Variants in KCNT1 observed in about 807,000 individuals in gnomAD.
KCNT1 encodes the protein potassium channel subfamily T member 1.
Under a neutral mutation model 147.8 loss-of-function variants are expected in KCNT1, and 78 were observed. The ratio of observed to expected loss-of-function variants is 0.53; its 90% CI spans 0.44 to 0.64. The LOEUF is 0.64. Among genes scored for constraint, KCNT1 ranks in the 30% least tolerant of loss-of-function variants. The pLI is 0.00. For missense variants in KCNT1, 1,419 were observed against 1,750.3 expected (o/e 0.81, Z 3.38); for synonymous variants, 867 against 748.8 (o/e 1.16, Z -2.58).
In KCNT1 at chr9:135,779,449, G is replaced by A; in HGVS notation, c.2820G>A (p.Leu940=). ...TCCGCGCCAAGGACAGCTACTCTCT[G>A]GCTCTTTCCAAACTAGAAAAGGTGA... is the stretch of plus-strand genomic sequence containing the variant. The part of the protein sequence containing the change: ...MQFRAKDSYS[L]ALSKLEKRER... Residue 940 remains leucine (L), a synonymous_variant, in exon 24 of 31, where the codon CTG becomes CTA. Transcript: ENST00000371757. 6.2e-7 allele frequency: 1 copy of A among 1,613,286 alleles called. No individual in the cohort carries two copies.
chr9:135,773,506 G>C (rs1832903162), intron 19 of KCNT1, among the ~76,000 whole-genome samples: 2 of 152,256 alleles, frequency 1.3e-5, no homozygotes, highest in African/African-American at 4.8e-5. Context: ...CAGTGTCCCA[G>C]CCTGGAAACC....
Position 135,714,801 on chromosome 9 carries a change from G to A in KCNT1, c.254+81G>A, listed in dbSNP as rs1321831901. Reference sequence around the variant, plus strand: ...CCCGGAGCTGTCCGCGGTGCTGACGGCCGGTCCCGCGCGCCCCCGCAGCCG... The same window carrying A: ...CCCGGAGCTGTCCGCGGTGCTGACGACCGGTCCCGCGCGCCCCCGCAGCCG... On this transcript the variant is annotated intron_variant, in intron 2 of 30. Coordinates refer to ENST00000371757, the MANE Select transcript of KCNT1 (RefSeq NM_020822.3). The surrounding 1 kb of genome is among the most constrained non-coding windows in gnomAD (Gnocchi z 6.2). 3 of 1,017,960 alleles carry A rather than the reference G, an allele frequency of 2.9e-6. No homozygotes were observed. Among genetic ancestry groups the A allele is most frequent in the Non-Finnish European group, 3.6e-6 (3 of 822,326 alleles). 63.1% of individuals were successfully genotyped at this position (1,017,960 alleles called of 1,614,324 possible).
In KCNT1 at chr9:135,742,256, G is replaced by A. The variant is rs552133295; in HGVS notation, c.255-7842G>A. Among the ~76,000 whole-genome samples the A allele has an allele frequency of 1.1e-4, 16 of 152,354 alleles. No individual in the cohort carries two copies. The South Asian group carries it at 3.1e-3, about 30-fold the overall frequency. On this transcript the variant is annotated intron_variant, in intron 2 of 30. Transcript: ENST00000371757. The stretch of plus-strand genomic sequence containing the variant: ...TAGGGCAGGGGAGTGGAGACAAGGG[G>A]ACAGCCTCGCAGACCTCGGCATGAG...
chr9:135,733,321 C>G (rs1375985771), intron 2 of KCNT1, among the ~76,000 whole-genome samples: 6 of 106,518 alleles, frequency 5.6e-5, no homozygotes. Context: ...CACCTGCCAG[C>G]ACACCTGCCC....
intron 2 of KCNT1, among the ~76,000 whole-genome samples, chr9:135,722,042 G>A (rs1049255691): frequency 6.6e-6 from 1 of 152,178 alleles, no homozygotes; most frequent in African/African-American, 2.4e-5. Context: ...TCAACAGGAG[G>A]GCCACAGAGG....
chr9:135,787,536 C>T (rs1001722903), intron 29 of KCNT1, among the ~76,000 whole-genome samples: 6 of 152,190 alleles, frequency 3.9e-5, no homozygotes, highest in Admixed American at 2.6e-4. Flanking sequence ...TCACCTGGGT[C>T]GGGGTCTTGA....
intron 19 of KCNT1, among the ~76,000 whole-genome samples, chr9:135,774,870 G>A (rs934802578): frequency 4.6e-5 from 7 of 152,132 alleles, no homozygotes; most frequent in African/African-American, 1.4e-4. Context: ...CCTGGGTGAG[G>A]GCAGCAGCAG....
Position 135,759,799 on chromosome 9 carries a change from G to T in KCNT1, c.975G>T (p.Trp325Cys). ...ACGGTGACGTCACGCCCAAGATCTG[G>T]CCATCGCAGCTGCTGGTGGTCATCA... ...VGYGDVTPKI[W>C]PSQLLVVIMI... The change falls in exon 11 of 31, where the codon TGG (tryptophan) becomes TGT (cysteine). Residue 325 changes from tryptophan (W) to cysteine (C), a missense_variant. This residue lies in a region of KCNT1 where 401 missense variants were observed against 610.6 expected (regional missense o/e 0.66). Coordinates refer to ENST00000371757, the MANE Select transcript of KCNT1 (RefSeq NM_020822.3). The T allele has an allele frequency of 1.9e-6, 3 of 1,613,394 alleles. No homozygotes were observed. Among genetic ancestry groups the T allele is most frequent in the Non-Finnish European group, 1.7e-6 (2 of 1,179,810 alleles).
At chr9:135,785,264 CA>C (rs770764134) in intron 27 of KCNT1, 45 bp from the exon 28 acceptor site, 12 of 1,609,562 alleles carry the variant, frequency 7.5e-6, no homozygotes, top group Non-Finnish European at 7.6e-6. Flanking sequence ...GCGTGGGGGG[CA>C]GGGGTGCGCC....
chr9:135,788,566 A>C (rs1448854713), intron 29 of KCNT1, among the ~76,000 whole-genome samples: 1 of 152,120 alleles, frequency 6.6e-6, no homozygotes, highest in Non-Finnish European at 1.5e-5. Flanking sequence ...TGAGGACCCT[A>C]AGCTCCTCTG....
intron 18 of KCNT1, among the ~76,000 whole-genome samples, chr9:135,771,947 G>A (rs1281415630): frequency 6.6e-6 from 1 of 152,226 alleles, no homozygotes; most frequent in African/African-American, 2.4e-5. Context: ...TTACACGGTG[G>A]CTGCTGGGGC....
intron 11 of KCNT1, among the ~76,000 whole-genome samples, chr9:135,760,558 C>T (rs1831847749): frequency 6.6e-6 from 1 of 152,300 alleles, no homozygotes; most frequent in East Asian, 1.9e-4. Context: ...GACAGACCCC[C>T]AGGTGGCTGC....
At chr9:135,702,559 A>G (rs1835075097) in intron 1 of KCNT1, among the ~76,000 whole-genome samples, 191 bp downstream of exon 1, 1 of 152,256 alleles carries the variant, frequency 6.6e-6, no homozygotes, top group East Asian at 1.9e-4. Flanking sequence ...CGCACTAATC[A>G]GCAGGTGCCG....
At chr9:135,719,362 G>A (rs796821485) in intron 2 of KCNT1, among the ~76,000 whole-genome samples, 30 of 152,330 alleles carry the variant, frequency 2.0e-4, no homozygotes, top group African/African-American at 7.0e-4. Context: ...ACCTTGTGCA[G>A]ACTCTGGTCT....
chr9:135,774,540 G>A (rs1833013124), intron 19 of KCNT1, among the ~76,000 whole-genome samples: 1 of 149,226 alleles, frequency 6.7e-6, no homozygotes, highest in South Asian at 2.1e-4. Flanking sequence ...GTGTGTCTGT[G>A]TAGTGTGTTG....
intron 1 of KCNT1, among the ~76,000 whole-genome samples, chr9:135,710,909 A>G (rs956496864): frequency 2.0e-5 from 3 of 152,112 alleles, no homozygotes; most frequent in Non-Finnish European, 4.4e-5. Flanking sequence ...CTTCCAGTCC[A>G]TCTCTCAGGA....
intron 20 of KCNT1, 104 bp downstream of exon 20, chr9:135,775,519 T>G: frequency 2.5e-6 from 2 of 795,336 alleles, no homozygotes; most frequent in Non-Finnish European, 3.9e-6. Context: ...TCGATACCAT[T>G]GCAAACTTCT....
chr9:135,769,354 G>C (rs1405470247), intron 15 of KCNT1, among the ~76,000 whole-genome samples: 1 of 152,120 alleles, frequency 6.6e-6, no homozygotes, highest in African/African-American at 2.4e-5. Context: ...TGTGCACGCA[G>C]TTAGGCGAGC....
At position 135,753,922 on chromosome 9, in the gene KCNT1, T is replaced by A. The variant is rs766324160; in HGVS notation, c.435-15T>A. The A allele has an allele frequency of 1.9e-6, 3 of 1,613,894 alleles. No homozygotes were observed. In the East Asian group the frequency reaches 6.7e-5, roughly 36 times the overall value. On this transcript the variant is annotated splice_polypyrimidine_tract_variant and intron_variant, in intron 4 of 30. Transcript: ENST00000371757. ...AGAGGGGCCAGGGCCGGGCCAGCGC[T>A]GTGTCTCTCCACAGCTGGGGCTGCC...
Sources: gnomAD v4.1 joint callset for allele counts (sites outside exome capture counted in the v4.1 genomes callset) on GRCh38, gnomAD v4.1.1 for gene constraint, gnomAD v4.1.1 regional missense constraint, Gnocchi (gnomAD v3.1) non-coding constraint, MANE v1.5 for transcripts, NCBI Gene and HGNC (gene_info 2026-07-23, HGNC 2026-07-21) for gene names.